Variants in SLC4A4 observed in about 807,000 individuals in gnomAD.
The protein encoded by SLC4A4 is solute carrier family 4 member 4.
A neutral mutation model predicts 111.5 loss-of-function variants in SLC4A4; 27 were observed. The observed-to-expected ratio is 0.24, with a 90% CI of 0.18 to 0.33. The LOEUF is 0.33. Among genes scored for constraint, SLC4A4 ranks in the 10% least tolerant of loss-of-function variants. The pLI is 1.00. For missense variants in SLC4A4, 909 were observed against 1,315.5 expected, an observed-to-expected ratio of 0.69 and a Z score of 4.78; for synonymous variants, 443 against 463.4, an observed-to-expected ratio of 0.96 and a Z score of 0.57.
intron 20 of SLC4A4, among the ~76,000 whole-genome samples, chr4:71,553,301 T>C (rs1304877781): frequency 6.6e-6 from 1 of 151,878 alleles, no homozygotes; most frequent in Non-Finnish European, 1.5e-5. Flanking sequence ...TTGTGGTAGA[T>C]TTGGTGATAT....
chr4:71,085,236 A>G (rs1742124196), intron 1 of SLC4A4, among the ~76,000 whole-genome samples: 1 of 151,890 alleles, frequency 6.6e-6, no homozygotes, highest in South Asian at 2.1e-4. Flanking sequence ...TCCTTCGCCC[A>G]CTTTTTGATG....
intron 6 of SLC4A4, among the ~76,000 whole-genome samples, chr4:71,365,915 A>T (rs1352816778): frequency 1.3e-5 from 2 of 152,168 alleles, no homozygotes; most frequent in African/African-American, 2.4e-5. Context: ...ATCATATGCT[A>T]ATTCAACCAC....
At chr4:71,370,926 T>C (rs1731814408) in intron 6 of SLC4A4, among the ~76,000 whole-genome samples, 1 of 152,192 alleles carries the variant, frequency 6.6e-6, no homozygotes, top group African/African-American at 2.4e-5. Context: ...AAACACATTT[T>C]AGTAATGAGG....
chr4:71,116,644 G>A (rs949848233), intron 2 of SLC4A4, among the ~76,000 whole-genome samples: 8 of 152,170 alleles, frequency 5.3e-5, no homozygotes, highest in Non-Finnish European at 1.0e-4. Context: ...GTTTGAGTGT[G>A]TATTAAGAAT....
intron 16 of SLC4A4, among the ~76,000 whole-genome samples, chr4:71,505,670 G>C (rs949613751): frequency 4.6e-5 from 7 of 151,970 alleles, no homozygotes; most frequent in African/African-American, 1.7e-4. Context: ...CGTTTCTTTT[G>C]CTGGGCAGAA....
rs568630707 is a variant in SLC4A4 at position 71,282,484 on chromosome 4, C to T, written c.253+27085C>T. ...ATTTTTAGTAGAGATGGGGTTTCTC[C>T]GTGTTGGTCAGGCTGGTCACGAACA... On this transcript the variant is annotated intron_variant, in intron 3 of 25. Coordinates refer to ENST00000264485, the MANE Select transcript of SLC4A4 (RefSeq NM_001098484.3). Among the ~76,000 whole-genome samples the T allele has an allele frequency of 5.3e-5, 8 of 151,768 alleles. No homozygotes were observed. The South Asian group carries it at 1.0e-3, about 20-fold the overall frequency.
At chr4:71,385,722 C>T (rs1204790878) in intron 6 of SLC4A4, among the ~76,000 whole-genome samples, 1 of 152,060 alleles carries the variant, frequency 6.6e-6, no homozygotes, top group East Asian at 1.9e-4. Flanking sequence ...TACTACATTC[C>T]TAAGCTCTTT....
intron 3 of SLC4A4, among the ~76,000 whole-genome samples, chr4:71,333,490 A>G (rs975073794): frequency 1.3e-5 from 2 of 152,216 alleles, no homozygotes; most frequent in Admixed American, 1.3e-4. Flanking sequence ...ACTCGAAGTC[A>G]GCACAGCATT....
intron 1 of SLC4A4, among the ~76,000 whole-genome samples, chr4:71,195,480 A>G (rs1443479845): frequency 1.3e-5 from 2 of 152,178 alleles, no homozygotes; most frequent in Non-Finnish European, 2.9e-5. Context: ...TATAGTAAAC[A>G]GCTTTTGTTT....
At chr4:71,410,468 A>G (rs1721272162) in intron 7 of SLC4A4, among the ~76,000 whole-genome samples, 1 of 151,996 alleles carries the variant, frequency 6.6e-6, no homozygotes, top group Non-Finnish European at 1.5e-5. Context: ...TGACCCTGTA[A>G]CCCCTTTGTT....
chr4:71,543,701 A>G (rs1735268982), intron 18 of SLC4A4, among the ~76,000 whole-genome samples: 1 of 152,076 alleles, frequency 6.6e-6, no homozygotes, highest in Non-Finnish European at 1.5e-5. Context: ...TAGTGTCCAC[A>G]TCCTTAGATT....
intron 6 of SLC4A4, among the ~76,000 whole-genome samples, chr4:71,371,163 C>A (rs1199415438): frequency 1.3e-5 from 2 of 151,272 alleles, no homozygotes; most frequent in Non-Finnish European, 2.9e-5. Flanking sequence ...CTCTAATCAG[C>A]TTGTCTCTTT....
At chr4:71,231,409 G>A (rs972525744) in intron 1 of SLC4A4, among the ~76,000 whole-genome samples, 1 of 152,214 alleles carries the variant, frequency 6.6e-6, no homozygotes, top group Non-Finnish European at 1.5e-5. Flanking sequence ...ACCCTTACGA[G>A]CCTGCTCAGT....
intron 2 of SLC4A4, among the ~76,000 whole-genome samples, chr4:71,164,097 T>G (rs985158834): frequency 4.8e-5 from 7 of 144,382 alleles, no homozygotes; most frequent in Non-Finnish European, 7.6e-5. Flanking sequence ...AATACAAAAA[T>G]AAGCTGGGCA....
intron 1 of SLC4A4, among the ~76,000 whole-genome samples, chr4:71,220,466 T>C (rs1419198430): frequency 6.6e-6 from 1 of 152,178 alleles, no homozygotes; most frequent in African/African-American, 2.4e-5. Context: ...CATATGCCTC[T>C]AAAGACATTA....
In SLC4A4 at chr4:71,077,363, G is replaced by T. The variant is rs997623171; in HGVS notation, c.-65+14575G>T. On this transcript the variant is annotated intron_variant, in intron 1 of 26. Coordinates refer to the SLC4A4 transcript ENST00000649996. Reference sequence around the variant, plus strand: ...TTTAGTAGAGACAGGGTTTCACCATGTTGGCCAGGCTGGTCTCGAACCCCT... The same window carrying T: ...TTTAGTAGAGACAGGGTTTCACCATTTTGGCCAGGCTGGTCTCGAACCCCT... Among the ~76,000 whole-genome samples the T allele has an allele frequency of 3.9e-5, 6 of 152,078 alleles. No individual in the cohort carries two copies. In the East Asian group the frequency reaches 1.2e-3, roughly 29 times the overall value.
At chr4:71,065,340 G>A (rs1381008004) in intron 1 of SLC4A4, among the ~76,000 whole-genome samples, 6 of 142,402 alleles carry the variant, frequency 4.2e-5, no homozygotes, top group African/African-American at 1.5e-4. Flanking sequence ...TCGTCATCCA[G>A]TCTGATGCTA....
At chr4:71,306,704 T>C (rs1725717066) in intron 3 of SLC4A4, among the ~76,000 whole-genome samples, 1 of 152,236 alleles carries the variant, frequency 6.6e-6, no homozygotes, top group African/African-American at 2.4e-5. Context: ...GTTAGCAATT[T>C]TTATTTTTCA....
intron 1 of SLC4A4, among the ~76,000 whole-genome samples, chr4:71,191,482 C>T (rs907303789): frequency 3.3e-5 from 5 of 152,164 alleles, no homozygotes; most frequent in Non-Finnish European, 5.9e-5. Context: ...GTATTTTAAT[C>T]TTTTGACTGG....
Sources: allele counts gnomAD v4.1 joint callset (sites outside exome capture counted in the v4.1 genomes callset), GRCh38; gene constraint gnomAD v4.1.1; transcripts MANE v1.5; gene names NCBI Gene and HGNC (gene_info 2026-07-23, HGNC 2026-07-21).